DCC: variants seen among roughly 807,000 people sequenced by gnomAD.
The protein encoded by DCC is netrin receptor DCC.
In DCC, 58 loss-of-function variants were observed where a neutral mutation model predicts 172.5. The ratio of observed to expected loss-of-function variants is 0.34; its 90% CI spans 0.27 to 0.42. The LOEUF (loss-of-function observed/expected upper bound fraction) is 0.42, where lower values mean the gene tolerates loss of function less well. Among genes scored for constraint, DCC ranks in the 10% least tolerant of loss-of-function variants. The pLI, the probability that DCC is intolerant of heterozygous loss-of-function variation, is 1.00. For synonymous variants in DCC, 709 were observed against 644.5 expected (o/e 1.10, Z -1.52); for missense variants, 1,740 against 1,791.0 (o/e 0.97, Z 0.51).
In DCC at chr18:53,532,437, C is replaced by T. The variant is rs1437593658; in HGVS notation, c.*1784C>T. ...TGTTCCTTCAACAAGAGTGCTCATTCAAGTTACTCAGATTTTCTGGAAGTC... is the reference window on the plus strand; with the variant it reads ...TGTTCCTTCAACAAGAGTGCTCATTTAAGTTACTCAGATTTTCTGGAAGTC... On this transcript the variant is annotated 3_prime_UTR_variant, in exon 29 of 29. Coordinates refer to ENST00000442544, the MANE Select transcript of DCC (RefSeq NM_005215.4). 3 of 152,168 alleles carry T rather than the reference C, an allele frequency of 2.0e-5. No individual in the cohort carries two copies. The highest frequency in any genetic ancestry group is 4.4e-5 in the Non-Finnish European group (3 of 68,030). 9.4% of individuals were successfully genotyped at this position (152,168 alleles called of 1,614,324 possible).
rs538806951 is a variant in DCC, at chr18:52,837,634, T to C, written c.413-68410T>C. ...TGGTCAAAGCCATTCAACAAGTCTC[T>C]AGGAAGTTCCAAACTTTCCCATATT... On this transcript the variant is annotated intron_variant, in intron 2 of 28. Coordinates refer to ENST00000442544, the MANE Select transcript of DCC (RefSeq NM_005215.4). Among the ~76,000 whole-genome samples the C allele has an allele frequency of 9.5e-4, 145 of 152,306 alleles. 1 individual carries two copies. The highest frequency in any genetic ancestry group is 3.4e-3 in the African/African-American group (142 of 41,572).
intron 2 of DCC, among the ~76,000 whole-genome samples, chr18:52,789,761 C>A (rs2037725097): frequency 1.3e-5 from 2 of 152,132 alleles, no homozygotes. Flanking sequence ...TTGTTTCCAG[C>A]CCCTAAGCTA....
intron 21 of DCC, among the ~76,000 whole-genome samples, chr18:53,419,048 G>C (rs150300134): frequency 7.6e-4 from 115 of 152,274 alleles, no homozygotes; most frequent in African/African-American, 2.6e-3. Context: ...AAATTTTAGA[G>C]ATAAACCAGA....
chr18:53,223,391 A>C (rs2055973911), intron 12 of DCC, among the ~76,000 whole-genome samples: 1 of 152,084 alleles, frequency 6.6e-6, no homozygotes, highest in Non-Finnish European at 1.5e-5. Flanking sequence ...ATTACCTTAT[A>C]ATTTATACTT....
intron 1 of DCC, among the ~76,000 whole-genome samples, chr18:52,735,379 A>G (rs7236234): frequency 0.25 from 38,684 of 152,022 alleles, 5,403 homozygotes; most frequent in African/African-American, 0.36. Flanking sequence ...ATATATTTAC[A>G]TGATGTATTA....
intron 1 of DCC, among the ~76,000 whole-genome samples, chr18:52,605,882 T>C (rs1407394877): frequency 6.6e-6 from 1 of 152,126 alleles, no homozygotes; most frequent in Non-Finnish European, 1.5e-5. Context: ...TGCAGCTTAA[T>C]ATGGTTCTGT....
chr18:52,539,239 T>C (rs2032371822), intron 1 of DCC, among the ~76,000 whole-genome samples: 1 of 152,048 alleles, frequency 6.6e-6, no homozygotes, highest in Admixed American at 6.6e-5. Flanking sequence ...AATTTCTAGG[T>C]AAAGTTCTCA....
chr18:53,405,051 T>TG (rs1264292325), intron 19 of DCC, among the ~76,000 whole-genome samples: 2 of 152,190 alleles, frequency 1.3e-5, no homozygotes, highest in Admixed American at 1.3e-4. Context: ...TTCTGTGTCA[T>TG]GTGTATTTTG....
At chr18:52,600,454 AT>A (rs1036459677) in intron 1 of DCC, among the ~76,000 whole-genome samples, 1 of 151,456 alleles carries the variant, frequency 6.6e-6, no homozygotes, top group African/African-American at 2.4e-5. Context: ...CACCTAACTT[AT>A]TTTTTTTCAA....
At chr18:53,107,293 A>G (rs967923702) in intron 7 of DCC, among the ~76,000 whole-genome samples, 18 of 151,926 alleles carry the variant, frequency 1.2e-4, no homozygotes, top group African/African-American at 4.1e-4. Flanking sequence ...GAATAACCAC[A>G]AAGAGTCATT....
Position 53,175,403 on chromosome 18 carries a change from G to A in DCC, c.1419-3559G>A, listed in dbSNP as rs1598876218. Among the ~76,000 whole-genome samples the A allele has an allele frequency of 2.6e-5, 4 of 152,152 alleles. No homozygotes were observed. In the South Asian group the frequency reaches 8.3e-4, roughly 32 times the overall value. ...AGTCAAATTGTCCCTGTTTGCAGAC[G>A]ACATGATTGTATATCTAGAAAACCC... On this transcript the variant is annotated intron_variant, in intron 8 of 28. Transcript: ENST00000442544.
intron 19 of DCC, among the ~76,000 whole-genome samples, chr18:53,409,676 T>G (rs1047062969): frequency 6.6e-6 from 1 of 152,214 alleles, no homozygotes; most frequent in Non-Finnish European, 1.5e-5. Context: ...CTATCATGAC[T>G]GAGTACACAC....
At chr18:53,158,500 G>A (rs572588385) in intron 8 of DCC, among the ~76,000 whole-genome samples, 8 of 152,134 alleles carry the variant, frequency 5.3e-5, no homozygotes, top group Admixed American at 1.3e-4. Context: ...ATGATCTTTA[G>A]AATTCAAAAG....
At chr18:52,905,830 A>G (rs1443158982) in intron 2 of DCC, among the ~76,000 whole-genome samples, 2 of 152,196 alleles carry the variant, frequency 1.3e-5, no homozygotes, top group Non-Finnish European at 2.9e-5. Flanking sequence ...GCTTCTAGAG[A>G]TGAATGACAA....
At chr18:52,763,081 G>T (rs1000262060) in intron 2 of DCC, among the ~76,000 whole-genome samples, 1 of 152,026 alleles carries the variant, frequency 6.6e-6, no homozygotes, top group African/African-American at 2.4e-5. Flanking sequence ...AAATCTGCTT[G>T]TTGATTTATA....
intron 1 of DCC, among the ~76,000 whole-genome samples, chr18:52,421,503 C>T (rs1458315370): frequency 1.3e-5 from 2 of 152,156 alleles, no homozygotes; most frequent in African/African-American, 4.8e-5. Context: ...AATCCCTGTC[C>T]CAATCCCAGC....
intron 1 of DCC, among the ~76,000 whole-genome samples, chr18:52,618,803 G>A (rs1185397964): frequency 2.0e-5 from 3 of 152,112 alleles, no homozygotes; most frequent in East Asian, 3.8e-4. Flanking sequence ...TTTTAATTCA[G>A]ACAGAGCTTT....
chr18:52,722,851 T>G (rs2036494634), intron 1 of DCC, among the ~76,000 whole-genome samples: 1 of 152,212 alleles, frequency 6.6e-6, no homozygotes, highest in Non-Finnish European at 1.5e-5. Context: ...CTGTATTCCC[T>G]CCTTTTGGTG....
chr18:53,428,347 T>C (rs1205941772), intron 21 of DCC, among the ~76,000 whole-genome samples: 1 of 36,254 alleles, frequency 2.8e-5, no homozygotes, highest in African/African-American at 6.9e-5. Flanking sequence ...GTATATAATA[T>C]AATATATGTT....
Sources: gnomAD v4.1 joint callset for allele counts (sites outside exome capture counted in the v4.1 genomes callset) on GRCh38, gnomAD v4.1.1 for gene constraint, MANE v1.5 for transcripts, NCBI Gene and HGNC (gene_info 2026-07-23, HGNC 2026-07-21) for gene names.